The following ESRRG variants were observed in gnomAD, a reference collection of about 807,000 sequenced individuals.
ESRRG encodes estrogen-related receptor gamma.
ESRRG carries 13 observed loss-of-function variants against 44.0 expected under a neutral mutation model. The ratio of observed to expected loss-of-function variants is 0.30; its 90% confidence interval spans 0.19 to 0.47. ESRRG has a LOEUF of 0.47. Among genes scored for constraint, ESRRG ranks in the 20% least tolerant of loss-of-function variants. The pLI is 1.00. For missense variants in ESRRG, 395 were observed against 580.6 expected (o/e 0.68, Z 3.29); for synonymous variants, 215 against 214.6 (o/e 1.00, Z -0.02).
intron 2 of ESRRG, among the ~76,000 whole-genome samples, chr1:216,743,446 TTAAAAAATA>T (rs1387411799): frequency 6.6e-6 from 1 of 152,200 alleles, no homozygotes. Flanking sequence ...GTCCCTTATA[TTAAAAAATA>T]TAAAAGTATT....
intron 3 of ESRRG, among the ~76,000 whole-genome samples, chr1:216,612,395 A>AT (rs1350070590): frequency 1.3e-4 from 20 of 152,270 alleles, no homozygotes; most frequent in Non-Finnish European, 2.6e-4. Flanking sequence ...AACTGTTTCA[A>AT]TCCTCAGGTG....
At chr1:216,983,828 A>G (rs543500477) in intron 1 of ESRRG, among the ~76,000 whole-genome samples, 38 of 152,182 alleles carry the variant, frequency 2.5e-4, no homozygotes, top group African/African-American at 8.4e-4. Context: ...ATAAGATGAT[A>G]TAAACGATAA....
intron 2 of ESRRG, among the ~76,000 whole-genome samples, chr1:216,811,095 C>A (rs963688765): frequency 6.6e-6 from 1 of 151,896 alleles, no homozygotes; most frequent in African/African-American, 2.4e-5. Context: ...CTGGATTTAG[C>A]ACAAATATGA....
At position 217,068,353 on chromosome 1, in the gene ESRRG, C is replaced by CTT. The variant is rs5780959; in HGVS notation, c.-106+21152_-106+21153dup. On this transcript the variant is annotated intron_variant, in intron 1 of 7. Transcript: ENST00000359162. The stretch of plus-strand genomic sequence containing the variant: ...CAATACACAATATGATCTTAGGAGT[C>CTT]TTTTTTTTTTTTTTAACATCTCCAG... Among the ~76,000 whole-genome samples, 209 of 146,870 alleles carry CTT rather than the reference C, an allele frequency of 1.4e-3. 1 individual carries two copies. Among genetic ancestry groups the CTT allele is most frequent in the African/African-American group, 3.7e-3 (147 of 39,830 alleles).
At chr1:216,743,474 G>C (rs1001234073) in intron 2 of ESRRG, among the ~76,000 whole-genome samples, 1 of 152,190 alleles carries the variant, frequency 6.6e-6, no homozygotes, top group African/African-American at 2.4e-5. Flanking sequence ...TTCCTCTTCA[G>C]GGTAATTTAA....
intron 1 of ESRRG, among the ~76,000 whole-genome samples, chr1:217,035,598 G>A (rs1450093269): frequency 6.6e-6 from 1 of 151,580 alleles, no homozygotes. Context: ...AAAGTTACTA[G>A]GCCCTGCGAT....
At chr1:216,826,932 C>T (rs1373691377) in intron 2 of ESRRG, among the ~76,000 whole-genome samples, 1 of 152,096 alleles carries the variant, frequency 6.6e-6, no homozygotes, top group Non-Finnish European at 1.5e-5. Flanking sequence ...TTCATGAGGG[C>T]CCTTTAAGCT....
chr1:216,744,987 A>C (rs954630283), intron 2 of ESRRG, among the ~76,000 whole-genome samples: 1 of 152,182 alleles, frequency 6.6e-6, no homozygotes, highest in African/African-American at 2.4e-5. Flanking sequence ...CAGAGTCTAA[A>C]GTTCCTCAAG....
At chr1:217,077,096 C>T (rs1340456351) in intron 1 of ESRRG, among the ~76,000 whole-genome samples, 1 of 152,204 alleles carries the variant, frequency 6.6e-6, no homozygotes, top group Non-Finnish European at 1.5e-5. Flanking sequence ...CTGGTTGCCT[C>T]TGCTCTCCTG....
intron 1 of ESRRG, among the ~76,000 whole-genome samples, chr1:216,990,198 G>T (rs191452522): frequency 6.6e-6 from 1 of 152,120 alleles, no homozygotes. Flanking sequence ...GACAGGCAAA[G>T]ATAACATTTC....
intron 1 of ESRRG, among the ~76,000 whole-genome samples, chr1:216,714,053 A>C (rs1223987084): frequency 1.3e-5 from 2 of 152,174 alleles, no homozygotes; most frequent in Non-Finnish European, 2.9e-5. Flanking sequence ...TCTTCTATGC[A>C]CTATAGCCAG....
chr1:216,598,089 T>C (rs1032163149), intron 3 of ESRRG, among the ~76,000 whole-genome samples: 1 of 152,180 alleles, frequency 6.6e-6, no homozygotes. Context: ...TTCATACATA[T>C]TAACTTACCA....
intron 1 of ESRRG, among the ~76,000 whole-genome samples, chr1:217,106,887 T>A (rs946340412): frequency 1.8e-4 from 27 of 152,310 alleles, no homozygotes; most frequent in African/African-American, 5.5e-4. Context: ...CTTTTTATAC[T>A]TTCACCAAGC....
At chr1:216,927,750 G>A (rs1437437676) in intron 2 of ESRRG, among the ~76,000 whole-genome samples, 1 of 152,116 alleles carries the variant, frequency 6.6e-6, no homozygotes, top group African/African-American at 2.4e-5. Flanking sequence ...CTGGATGCTG[G>A]CACCGCGGGA....
chr1:217,023,059 A>G (rs1373741665), intron 1 of ESRRG, among the ~76,000 whole-genome samples: 2 of 152,180 alleles, frequency 1.3e-5, no homozygotes, highest in Non-Finnish European at 2.9e-5. Flanking sequence ...TTATCAAACC[A>G]TTACTTGTTT....
At chr1:217,017,717 AAAAAAATTAATTAAAAT>A (rs1321793413) in intron 1 of ESRRG, among the ~76,000 whole-genome samples, 3 of 152,034 alleles carry the variant, frequency 2.0e-5, no homozygotes, top group African/African-American at 7.2e-5. Context: ...GATTTCTGGA[AAAAAAATTAATTAAAAT>A]AAAAAATTCT....
At chr1:216,559,254 A>G (rs1284859566) in intron 5 of ESRRG, among the ~76,000 whole-genome samples, 1 of 152,212 alleles carries the variant, frequency 6.6e-6, no homozygotes, top group Non-Finnish European at 1.5e-5. Flanking sequence ...CCACTTAACT[A>G]AAAGACTTAA....
At chr1:216,549,492 A>G (rs2055597762) in intron 5 of ESRRG, among the ~76,000 whole-genome samples, 1 of 152,144 alleles carries the variant, frequency 6.6e-6, no homozygotes, top group Non-Finnish European at 1.5e-5. Context: ...TCATCAGCAG[A>G]TATTGAGTTG....
intron 2 of ESRRG, among the ~76,000 whole-genome samples, chr1:216,931,035 G>A (rs1434002924): frequency 1.3e-5 from 2 of 152,204 alleles, no homozygotes; most frequent in Non-Finnish European, 2.9e-5. Flanking sequence ...AGGAAAGCTG[G>A]CATGTTAAGC....
Sources: gnomAD v4.1 joint callset for allele counts (sites outside exome capture counted in the v4.1 genomes callset) on GRCh38, gnomAD v4.1.1 for gene constraint, MANE v1.5 for transcripts, NCBI Gene and HGNC (gene_info 2026-07-23, HGNC 2026-07-21) for gene names.